COL12A1: variants seen among roughly 807,000 people sequenced by gnomAD.
The protein encoded by COL12A1 is collagen alpha-1(XII) chain.
A neutral mutation model predicts 349.7 loss-of-function variants in COL12A1; 114 were observed. That is an observed-to-expected ratio of 0.33 (90% CI 0.28 to 0.38). The LOEUF (loss-of-function observed/expected upper bound fraction) is 0.38, where lower values mean the gene tolerates loss of function less well. Among genes scored for constraint, COL12A1 ranks in the 10% least tolerant of loss-of-function variants. COL12A1 has a pLI of 1.00. For synonymous variants in COL12A1, 1,369 were observed against 1,329.0 expected, an observed-to-expected ratio of 1.03 and a Z score of -0.66; for missense variants, 3,284 against 3,756.9, an observed-to-expected ratio of 0.87 and a Z score of 3.29.
intron 2 of COL12A1, among the ~76,000 whole-genome samples, chr6:75,196,940 C>CT (rs1770257038): frequency 6.6e-6 from 1 of 152,172 alleles, no homozygotes. Flanking sequence ...GGGGAAAAGT[C>CT]TTTAACATTT....
intron 58 of COL12A1, among the ~76,000 whole-genome samples, chr6:75,098,949 C>T (rs1768179975): frequency 6.6e-6 from 1 of 152,186 alleles, no homozygotes; most frequent in African/African-American, 2.4e-5. Flanking sequence ...TTAGCATTCA[C>T]TCGCAACAGC....
intron 8 of COL12A1, 147 bp from the exon 9 acceptor site, chr6:75,184,291 A>G: frequency 3.5e-6 from 3 of 849,912 alleles, no homozygotes; most frequent in Admixed American, 2.9e-5. Flanking sequence ...TCAGTCCCCA[A>G]TTTCACATGT....
chr6:75,105,158 C>G, intron 54 of COL12A1, 48 bp downstream of exon 54: 1 of 1,503,564 alleles, frequency 6.7e-7, no homozygotes. Context: ...GATAATCACT[C>G]TAAAGATTTC....
intron 65 of COL12A1, 79 bp from the exon 66 acceptor site, chr6:75,086,636 G>A (rs1307814853): frequency 4.5e-6 from 4 of 897,076 alleles, no homozygotes; most frequent in South Asian, 3.1e-5. Flanking sequence ...ATCTACGTAT[G>A]TAATGGTTAA....
intron 3 of COL12A1, among the ~76,000 whole-genome samples, chr6:75,193,289 T>C (rs1388818722): frequency 6.6e-6 from 1 of 152,118 alleles, no homozygotes; most frequent in East Asian, 1.9e-4. Flanking sequence ...TTTTCTGATT[T>C]GGAATGAATA....
intron 43 of COL12A1, 53 bp from the exon 44 acceptor site, chr6:75,121,494 A>G (rs1186159735): frequency 1.6e-5 from 24 of 1,464,192 alleles, no homozygotes; most frequent in Admixed American, 2.1e-5. Context: ...TCTTTCATTT[A>G]AATGAAATCA....
chr6:75,110,709 T>A (rs1302235144), intron 51 of COL12A1, among the ~76,000 whole-genome samples: 1 of 151,992 alleles, frequency 6.6e-6, no homozygotes, highest in East Asian at 1.9e-4. Context: ...TGGATAACTG[T>A]CTGTCATTCC....
intron 22 of COL12A1, 106 bp from the exon 23 acceptor site, chr6:75,147,910 C>T (rs1281506351): frequency 2.5e-6 from 3 of 1,178,534 alleles, no homozygotes; most frequent in Non-Finnish European, 3.5e-6. Flanking sequence ...ATCTATATTT[C>T]AATTAGGCCA....
chr6:75,138,142 C>CA (rs1302280762), intron 30 of COL12A1, among the ~76,000 whole-genome samples, 178 bp downstream of exon 30: 1 of 152,028 alleles, frequency 6.6e-6, no homozygotes, highest in African/African-American at 2.4e-5. Flanking sequence ...CAATACACTC[C>CA]AAAACAAGTA....
At chr6:75,095,221 G>A in intron 59 of COL12A1, 42 bp from the exon 60 acceptor site, 1 of 1,486,380 alleles carries the variant, frequency 6.7e-7, no homozygotes. Flanking sequence ...ATGACAAAGG[G>A]AAAATCCCAT....
At chr6:75,154,269 A>G in intron 17 of COL12A1, 147 bp downstream of exon 17, 1 of 894,078 alleles carries the variant, frequency 1.1e-6, no homozygotes, top group Non-Finnish European at 1.6e-6. Context: ...ATGTTTGAAG[A>G]ATTTTTTTGC....
intron 14 of COL12A1, 124 bp from the exon 15 acceptor site, chr6:75,156,647 G>A (rs1443514147): frequency 9.1e-6 from 8 of 879,454 alleles, no homozygotes; most frequent in Non-Finnish European, 1.4e-5. Flanking sequence ...CCATTGCTTA[G>A]CATTGTAATC....
rs868845969 is a variant in COL12A1 at position 75,151,010 on chromosome 6, G to A, written c.4147+131C>T. 2.0e-4 allele frequency: 120 copies of A among 606,080 alleles called. No homozygotes were observed. In the Middle Eastern group the frequency reaches 2.1e-3, roughly 11 times the overall value. The allele number at this position is 606,080 out of a possible 1,614,324, so 37.5% of individuals were successfully genotyped here. On this transcript the variant is annotated intron_variant, in intron 21 of 65. Transcript: ENST00000322507. The stretch of plus-strand genomic sequence containing the variant: ...TAGGGGATGCTACTGACATCCAACC[G>A]GCAGAGGCCTTTCACACTGCTAAAC...
At chr6:75,134,994 C>A in intron 31 of COL12A1, 139 bp from the exon 32 acceptor site, 1 of 751,466 alleles carries the variant, frequency 1.3e-6, no homozygotes. Flanking sequence ...CAAGGTTTAA[C>A]ATACACCTTG....
At chr6:75,101,211 G>T (rs1279281329) in intron 58 of COL12A1, among the ~76,000 whole-genome samples, 1 of 152,172 alleles carries the variant, frequency 6.6e-6, no homozygotes, top group East Asian at 1.9e-4. Context: ...AAAGTGCTAT[G>T]GGAGTCAAGG....
chr6:75,184,062 T>C lies in COL12A1; in HGVS notation c.1080A>G (p.Pro360=). Residue 360 remains proline (P), a synonymous_variant, in exon 9 of 66, where the codon CCA becomes CCG. Coordinates refer to ENST00000322507, the MANE Select transcript of COL12A1 (RefSeq NM_004370.6). ...VKLNWNPSPS[P]VTGYKVILTP... ...TGAGGATGACTTTGTAGCCAGTCACTGGACTAGGAGATGGATTCCAATTTA... is the reference window on the plus strand; with the variant it reads ...TGAGGATGACTTTGTAGCCAGTCACCGGACTAGGAGATGGATTCCAATTTA... 1 of 1,614,186 alleles carries C rather than the reference T, an allele frequency of 6.2e-7. No homozygotes were observed. The highest frequency in any genetic ancestry group is 1.3e-5 in the African/African-American group (1 of 75,058).
intron 14 of COL12A1, among the ~76,000 whole-genome samples, chr6:75,159,600 T>C (rs1236869137): frequency 6.6e-6 from 1 of 151,642 alleles, no homozygotes; most frequent in Non-Finnish European, 1.5e-5. Context: ...AATAAGTTGA[T>C]GGGTGTCTAA....
chr6:75,151,073 C>A, intron 21 of COL12A1, 68 bp downstream of exon 21: 7 of 714,218 alleles, frequency 9.8e-6, no homozygotes, highest in Middle Eastern at 2.8e-4. Context: ...CCCCCCCACC[C>A]AAAAGAATAA....
chr6:75,084,778 A>G lies in COL12A1; in HGVS notation c.*1769T>C. 6.4e-6 allele frequency: 1 copy of G among 155,890 alleles called. No homozygotes were observed. The highest frequency in any genetic ancestry group is 1.9e-4 in the South Asian group (1 of 5,138). 9.7% of individuals were successfully genotyped at this position (155,890 alleles called of 1,614,324 possible). A position where few individuals can be genotyped will look rare whatever the true frequency, so the allele number is the denominator to read the frequency against. On this transcript the variant is annotated 3_prime_UTR_variant, in exon 66 of 66. Transcript: ENST00000322507. Reference sequence around the variant, plus strand: ...CCCTCCTTTTTGGTTTTAGGAGGGGAATTATTTGAATCGTGGTGTAATTGA... The same window carrying G: ...CCCTCCTTTTTGGTTTTAGGAGGGGGATTATTTGAATCGTGGTGTAATTGA...
Sources: gnomAD v4.1 joint callset for allele counts (sites outside exome capture counted in the v4.1 genomes callset) on GRCh38, gnomAD v4.1.1 for gene constraint, MANE v1.5 for transcripts, NCBI Gene and HGNC (gene_info 2026-07-23, HGNC 2026-07-21) for gene names.